The following SLC4A5 variants were observed in gnomAD, a reference collection of about 807,000 sequenced individuals.
The protein encoded by SLC4A5 is electrogenic sodium bicarbonate cotransporter 4.
SLC4A5 carries 96 observed loss-of-function variants against 120.4 expected under a neutral mutation model. The observed-to-expected ratio is 0.80, with a 90% CI of 0.68 to 0.94. SLC4A5 has a LOEUF of 0.94. Among genes scored for constraint, SLC4A5 ranks in the 40% least tolerant of loss-of-function variants. SLC4A5 has a pLI of 0.00. For synonymous variants in SLC4A5, 550 were observed against 571.1 expected, an observed-to-expected ratio of 0.96 and a Z score of 0.53; for missense variants, 1,259 against 1,459.5, an observed-to-expected ratio of 0.86 and a Z score of 2.24.
At chr2:74,288,473 A>G (rs774422784) in intron 7 of SLC4A5, among the ~76,000 whole-genome samples, 2 of 152,246 alleles carry the variant, frequency 1.3e-5, no homozygotes, top group East Asian at 3.8e-4. Flanking sequence ...AGAGGTGATC[A>G]TCGCCGCTCT....
At chr2:74,320,596 A>C (rs1014300893) in intron 5 of SLC4A5, among the ~76,000 whole-genome samples, 1 of 152,188 alleles carries the variant, frequency 6.6e-6, no homozygotes, top group Non-Finnish European at 1.5e-5. Flanking sequence ...TTCAGACATA[A>C]ACTATCTCAA....
chr2:74,292,893 G>C (rs1246681140), intron 7 of SLC4A5, among the ~76,000 whole-genome samples: 1 of 152,100 alleles, frequency 6.6e-6, no homozygotes, highest in African/African-American at 2.4e-5. Context: ...TGAGGTCAGG[G>C]CCTATCTTGT....
In SLC4A5 at chr2:74,250,915, A is replaced by T. The variant is rs551611492; in HGVS notation, c.1479-398T>A. ...ACTTTCGGTGACAGAAGCATCCCAG[A>T]TTATAACAGATTCATTAAGAACAGA... On this transcript the variant is annotated intron_variant, in intron 16 of 30. Transcript: ENST00000394019. The T allele has an allele frequency of 1.5e-3, 264 of 179,730 alleles. 1 individual carries two copies. The highest frequency in any genetic ancestry group is 4.8e-3 in the Middle Eastern group (2 of 420). 11.1% of individuals were successfully genotyped at this position (179,730 alleles called of 1,614,324 possible). A position where few individuals can be genotyped will look rare whatever the true frequency, so the allele number is the denominator to read the frequency against.
chr2:74,305,492 G>A (rs568232260), intron 6 of SLC4A5, among the ~76,000 whole-genome samples: 3 of 152,062 alleles, frequency 2.0e-5, no homozygotes, highest in South Asian at 2.1e-4. Flanking sequence ...TTACATTAGT[G>A]TGGTGCATTT....
At chr2:74,244,079 C>T (rs1047757319) in intron 19 of SLC4A5, among the ~76,000 whole-genome samples, 4 of 152,216 alleles carry the variant, frequency 2.6e-5, no homozygotes, top group Admixed American at 6.5e-5. Flanking sequence ...GCCCATGGAC[C>T]GGGAAAGAAA....
At chr2:74,336,992 G>T (rs1384714191) in intron 3 of SLC4A5, among the ~76,000 whole-genome samples, 1 of 152,138 alleles carries the variant, frequency 6.6e-6, no homozygotes, top group Non-Finnish European at 1.5e-5. Context: ...CCAAAGTGTG[G>T]GAGAAAATGG....
At position 74,321,908 on chromosome 2, in the gene SLC4A5, T is replaced by C. The variant is rs1047019561; in HGVS notation, c.-3+6212A>G. Reference sequence around the variant, plus strand: ...AGTCATGTGACCCTATTCTAGCCAATGAGATTTAGGTGGAAGTCCATTGGG... The same window carrying C: ...AGTCATGTGACCCTATTCTAGCCAACGAGATTTAGGTGGAAGTCCATTGGG... On this transcript the variant is annotated intron_variant, in intron 5 of 30. Transcript: ENST00000394019. 7.2e-5 allele frequency among the ~76,000 whole-genome samples: 11 copies of C among 151,806 alleles called. 1 individual carries two copies. Among genetic ancestry groups the C allele is most frequent in the Non-Finnish European group, 1.6e-4 (11 of 67,974 alleles).
At chr2:74,321,680 A>G (rs10211612) in intron 5 of SLC4A5, among the ~76,000 whole-genome samples, 35,542 of 151,274 alleles carry the variant, frequency 0.23, 5,716 homozygotes, top group East Asian at 0.46. Flanking sequence ...CGCATTGGGT[A>G]GTCATCTAGC....
intron 8 of SLC4A5, among the ~76,000 whole-genome samples, chr2:74,284,441 A>T (rs1284964990): frequency 1.3e-5 from 2 of 148,352 alleles, no homozygotes; most frequent in Non-Finnish European, 3.0e-5. Flanking sequence ...CGGCCTCCCA[A>T]AGTGCTGGGA....
At chr2:74,293,874 T>A (rs1424892223) in intron 7 of SLC4A5, among the ~76,000 whole-genome samples, 1 of 152,066 alleles carries the variant, frequency 6.6e-6, no homozygotes, top group African/African-American at 2.4e-5. Flanking sequence ...TTGAAAACCA[T>A]AAGTGTAAAG....
rs150938897 is a variant in SLC4A5 at position 74,221,491 on chromosome 2, A to G, written c.3342T>C (p.Ser1114=). Residue 1114 remains serine, a synonymous_variant, in exon 30 of 31, where the codon TCT becomes TCC. Coordinates refer to ENST00000394019, the Ensembl canonical transcript of SLC4A5. ...ATCAGAGTGAGTAACTCCAACTGGA[A>G]GATCTTTTTCCTGGCAGGAAAATGA... 3 of 1,614,090 alleles carry G rather than the reference A, an allele frequency of 1.9e-6. No homozygotes were observed. The African/African-American group carries it at 4.0e-5, about 22-fold the overall frequency.
chr2:74,316,285 T>C (rs1672961174), intron 5 of SLC4A5, among the ~76,000 whole-genome samples: 1 of 124,466 alleles, frequency 8.0e-6, no homozygotes, highest in Non-Finnish European at 1.6e-5. Flanking sequence ...CATGTATTGA[T>C]AATTATTGAA....
rs1558864641 is a variant in SLC4A5 at position 74,224,821 on chromosome 2, G to GGCCTCACATCTTCCCC, written c.3246+3_3246+18dup. ...TCTCTCAATTTCTCCTCTGTGCCCC[G>GGCCTCACATCTTCCCC]GCCTCACATCTTCCCCACCTCCTCA... On this transcript the variant is annotated intron_variant, in intron 28 of 30. Coordinates refer to ENST00000394019, the Ensembl canonical transcript of SLC4A5. 6.2e-7 allele frequency: 1 copy of GGCCTCACATCTTCCCC among 1,600,828 alleles called. No homozygotes were observed. The highest frequency in any genetic ancestry group is 1.1e-5 in the South Asian group (1 of 88,712).
At chr2:74,274,192 C>A (rs1671567018) in intron 8 of SLC4A5, among the ~76,000 whole-genome samples, 1 of 152,178 alleles carries the variant, frequency 6.6e-6, no homozygotes, top group African/African-American at 2.4e-5. Flanking sequence ...GAGGAGCCTG[C>A]CCAAGGTGGC....
chr2:74,228,289 T>C (rs1421195241), intron 25 of SLC4A5, among the ~76,000 whole-genome samples: 2 of 152,188 alleles, frequency 1.3e-5, no homozygotes, highest in African/African-American at 4.8e-5. Flanking sequence ...GGACTTTTAA[T>C]GAGCTGATCT....
intron 1 of SLC4A5, among the ~76,000 whole-genome samples, chr2:74,342,968 G>C (rs1459744450): frequency 6.6e-6 from 1 of 151,924 alleles, no homozygotes; most frequent in Non-Finnish European, 1.5e-5. Context: ...TATGCACAGA[G>C]GTCTAACTAG....
At chr2:74,254,588 T>G in intron 14 of SLC4A5, 31 bp downstream of exon 14, 1 of 1,563,700 alleles carries the variant, frequency 6.4e-7, no homozygotes, top group Non-Finnish European at 8.8e-7. Flanking sequence ...GCTGTAAAAT[T>G]CAGGAGTACA....
chr2:74,291,446 C>T (rs770284991), intron 7 of SLC4A5, among the ~76,000 whole-genome samples: 1 of 152,162 alleles, frequency 6.6e-6, no homozygotes, highest in African/African-American at 2.4e-5. Context: ...TGGTCAAGTC[C>T]AAACCCTTCA....
chr2:74,234,808 C>T (rs796337935), intron 22 of SLC4A5, among the ~76,000 whole-genome samples: 2 of 152,350 alleles, frequency 1.3e-5, no homozygotes, highest in African/African-American at 2.4e-5. Flanking sequence ...GGTCAGGGAA[C>T]TGGAGACACT....
Sources: gnomAD v4.1 joint callset for allele counts (sites outside exome capture counted in the v4.1 genomes callset) on GRCh38, gnomAD v4.1.1 for gene constraint, MANE v1.5 for transcripts, NCBI Gene and HGNC (gene_info 2026-07-23, HGNC 2026-07-21) for gene names.